COP1: variants seen among roughly 807,000 people sequenced by gnomAD.
COP1 encodes E3 ubiquitin-protein ligase COP1.
Under a neutral mutation model 101.3 loss-of-function variants are expected in COP1, and 24 were observed. That is an observed-to-expected ratio of 0.24 (90% CI 0.17 to 0.33). COP1 has a LOEUF of 0.33. Among genes scored for constraint, COP1 ranks in the 10% least tolerant of loss-of-function variants. COP1 has a pLI of 1.00. For missense variants in COP1, 663 were observed against 906.2 expected, an observed-to-expected ratio of 0.73 and a Z score of 3.45; for synonymous variants, 347 against 341.9, an observed-to-expected ratio of 1.01 and a Z score of -0.17.
At position 176,008,250 on chromosome 1, in the gene COP1, T is replaced by C. The variant is rs555070794; in HGVS notation, c.1730-18771A>G. Among the ~76,000 whole-genome samples, 4 of 152,276 alleles carry C rather than the reference T, an allele frequency of 2.6e-5. No individual in the cohort carries two copies. The East Asian group carries it at 7.8e-4, about 30-fold the overall frequency. ...TGATCTGCACCCACTGTCTGGCACTTCCTAGTGAGATGAACCCGGTACCTC... is the reference window on the plus strand; with the variant it reads ...TGATCTGCACCCACTGTCTGGCACTCCCTAGTGAGATGAACCCGGTACCTC... On this transcript the variant is annotated intron_variant, in intron 15 of 19. Transcript: ENST00000367669.
chr1:176,041,583 A>G (rs12735810), intron 14 of COP1, among the ~76,000 whole-genome samples: 59,549 of 151,808 alleles, frequency 0.39, 11,955 homozygotes, highest in Admixed American at 0.44. Flanking sequence ...TTCTGGCCTC[A>G]AGTGATCCAC....
At chr1:176,202,268 C>A (rs1156929328) in intron 1 of COP1, among the ~76,000 whole-genome samples, 2 of 149,380 alleles carry the variant, frequency 1.3e-5, no homozygotes. Flanking sequence ...TAGCTCCCTG[C>A]AGCCTCGACC....
At chr1:176,059,219 T>A (rs987718555) in intron 11 of COP1, among the ~76,000 whole-genome samples, 1 of 152,230 alleles carries the variant, frequency 6.6e-6, no homozygotes, top group Non-Finnish European at 1.5e-5. Context: ...AATTCATCTA[T>A]CAAGTGTATT....
intron 9 of COP1, among the ~76,000 whole-genome samples, chr1:176,091,015 A>G (rs1035925989): frequency 2.0e-5 from 3 of 152,234 alleles, no homozygotes; most frequent in African/African-American, 4.8e-5. Flanking sequence ...TAATTTATTT[A>G]GGAACAACAA....
intron 15 of COP1, among the ~76,000 whole-genome samples, chr1:176,024,126 G>A (rs1667271096): frequency 6.6e-6 from 1 of 152,136 alleles, no homozygotes; most frequent in South Asian, 2.1e-4. Context: ...AGATGTGGTG[G>A]CTGGTGCCCG....
intron 1 of COP1, among the ~76,000 whole-genome samples, chr1:176,200,321 G>A (rs887526058): frequency 6.6e-6 from 1 of 152,104 alleles, no homozygotes; most frequent in Non-Finnish European, 1.5e-5. Context: ...ATTTATGAAC[G>A]TTTGAGTTTC....
At chr1:176,125,080 T>C (rs1375837250) in intron 8 of COP1, among the ~76,000 whole-genome samples, 1 of 143,554 alleles carries the variant, frequency 7.0e-6, no homozygotes, top group African/African-American at 2.5e-5. Context: ...TCTAATCTTT[T>C]ACCCATTTTT....
At chr1:176,047,891 T>C (rs1208337353) in intron 11 of COP1, among the ~76,000 whole-genome samples, 1 of 151,868 alleles carries the variant, frequency 6.6e-6, no homozygotes, top group South Asian at 2.1e-4. Flanking sequence ...CCTGGCAACA[T>C]AGTGAGACCC....
chr1:175,995,680 T>A (rs1342552474), intron 15 of COP1, among the ~76,000 whole-genome samples: 1 of 152,114 alleles, frequency 6.6e-6, no homozygotes, highest in Non-Finnish European at 1.5e-5. Flanking sequence ...ACATACACCC[T>A]CCCAAGACTA....
intron 18 of COP1, among the ~76,000 whole-genome samples, chr1:175,948,936 G>GGGCAGATCATGAGGTC (rs1449014807): frequency 2.0e-5 from 3 of 151,870 alleles, no homozygotes; most frequent in Non-Finnish European, 4.4e-5. Context: ...AGGCAGAGGT[G>GGGCAGATCATGAGGTC]GGCAGATCAT....
rs143395839 is a variant in COP1 at position 176,196,188 on chromosome 1, A to C, written c.407+10384T>G. Among the ~76,000 whole-genome samples the C allele has an allele frequency of 2.6e-3, 397 of 152,302 alleles. 3 individuals carry two copies. The highest frequency in any genetic ancestry group is 9.1e-3 in the African/African-American group (379 of 41,558). The stretch of plus-strand genomic sequence containing the variant: ...AAGAGGGCCAAAAATCAATGATCTA[A>C]GCTTTCGTACTAAGAAACCAGAAAA... On this transcript the variant is annotated intron_variant, in intron 1 of 19. Coordinates refer to ENST00000367669, the MANE Select transcript of COP1 (RefSeq NM_022457.7).
intron 1 of COP1, among the ~76,000 whole-genome samples, chr1:176,205,891 G>A (rs1040115902): frequency 2.0e-5 from 3 of 152,156 alleles, no homozygotes; most frequent in Non-Finnish European, 4.4e-5. Flanking sequence ...TAACAAACGT[G>A]GTTCTCTCTT....
chr1:176,206,361 C>G, intron 1 of COP1: 1 of 568,840 alleles, frequency 1.8e-6, no homozygotes, highest in East Asian at 3.1e-5. Context: ...CTTTATTATC[C>G]CCACCCTGCC....
intron 6 of COP1, among the ~76,000 whole-genome samples, chr1:176,146,226 A>G (rs1294644270): frequency 6.6e-6 from 1 of 152,288 alleles, no homozygotes; most frequent in Non-Finnish European, 1.5e-5. Flanking sequence ...TGGCTTTTAC[A>G]TGGAACCCAA....
intron 3 of COP1, 41 bp from the exon 4 acceptor site, chr1:176,163,932 T>G (rs1283221264): frequency 7.2e-7 from 1 of 1,397,270 alleles, no homozygotes; most frequent in Non-Finnish European, 1.0e-6. Flanking sequence ...ATAATTTGTA[T>G]TTTTGTTAAA....
At chr1:176,192,325 G>A (rs1699195885) in intron 1 of COP1, among the ~76,000 whole-genome samples, 1 of 152,084 alleles carries the variant, frequency 6.6e-6, no homozygotes, top group South Asian at 2.1e-4. Context: ...TTAGGTACAG[G>A]TGAAACAATT....
chr1:175,967,609 A>G (rs149912477), intron 18 of COP1, among the ~76,000 whole-genome samples: 1 of 152,240 alleles, frequency 6.6e-6, no homozygotes, highest in Non-Finnish European at 1.5e-5. Flanking sequence ...AAAACACACA[A>G]CAGGAAAAAC....
chr1:176,042,964 G>C (rs1670894526), intron 14 of COP1, among the ~76,000 whole-genome samples: 1 of 152,060 alleles, frequency 6.6e-6, no homozygotes, highest in Non-Finnish European at 1.5e-5. Context: ...GGGAGGCAGA[G>C]GTTGCACTGA....
intron 18 of COP1, among the ~76,000 whole-genome samples, chr1:175,984,800 T>G (rs1558211002): frequency 6.6e-6 from 1 of 152,186 alleles, no homozygotes; most frequent in Admixed American, 6.5e-5. Flanking sequence ...GGAGATCATT[T>G]TGGAACTTTA....
Sources: allele counts gnomAD v4.1 joint callset (sites outside exome capture counted in the v4.1 genomes callset), GRCh38; gene constraint gnomAD v4.1.1; transcripts MANE v1.5; gene names NCBI Gene and HGNC (gene_info 2026-07-23, HGNC 2026-07-21).